The following REEP5 variants were observed in gnomAD, a reference collection of about 807,000 sequenced individuals.
The protein encoded by REEP5 is receptor expression-enhancing protein 5.
REEP5 carries 24 observed loss-of-function variants against 22.4 expected under a neutral mutation model. That is an observed-to-expected ratio of 1.07 (90% confidence interval 0.78 to 1.51). REEP5 has a LOEUF of 1.51. REEP5 is among the 40% of genes most tolerant of loss of function. The pLI, the probability that REEP5 is intolerant of heterozygous loss-of-function variation, is 0.00. For missense variants in REEP5, 252 were observed against 233.0 expected (o/e 1.08, Z -0.53); for synonymous variants, 103 against 88.6 (o/e 1.16, Z -0.92).
intron 1 of REEP5, 116 bp downstream of exon 1, chr5:112,921,957 T>C (rs1769382715): frequency 6.9e-6 from 9 of 1,298,306 alleles, no homozygotes; most frequent in Admixed American, 2.7e-5. Flanking sequence ...ATGCTGCTTG[T>C]CCCGTCTGTC....
chr5:112,884,223 G>A (rs1768162329), intron 4 of REEP5, among the ~76,000 whole-genome samples: 1 of 152,034 alleles, frequency 6.6e-6, no homozygotes, highest in Non-Finnish European at 1.5e-5. Flanking sequence ...GGCCTATAAG[G>A]CATTATGTGA....
At chr5:112,894,097 GTTGGTTTTGTTTTT>G (rs1768597066) in intron 3 of REEP5, 1 of 150,070 alleles carries the variant, frequency 6.7e-6, no homozygotes, top group African/African-American at 2.5e-5. Flanking sequence ...AAGCCTTTTG[GTTGGTTTTGTTTTT>G]TTGGTTTTTT....
At chr5:112,904,039 C>G (rs542646545) in intron 2 of REEP5, among the ~76,000 whole-genome samples, 1 of 152,234 alleles carries the variant, frequency 6.6e-6, no homozygotes, top group African/African-American at 2.4e-5. Flanking sequence ...ACTGTGTTGC[C>G]CAGGCTGGTC....
chr5:112,877,231 AAT>A lies in REEP5; in HGVS notation c.*1553_*1554del, dbSNP rs774071775. 4 of 152,162 alleles carry A rather than the reference AAT, an allele frequency of 2.6e-5. No homozygotes were observed. The highest frequency in any genetic ancestry group is 5.9e-5 in the Non-Finnish European group (4 of 68,012). 9.4% of individuals were successfully genotyped at this position (152,162 alleles called of 1,614,324 possible). Reference sequence around the variant, plus strand: ...ACTGTCACTTAGTATTGATATCTTTAATATTTTTTACATCATGAGACATTGTT... The same window carrying A: ...ACTGTCACTTAGTATTGATATCTTTAATTTTTTACATCATGAGACATTGTT... On this transcript the variant is annotated 3_prime_UTR_variant, in exon 5 of 5. Coordinates refer to ENST00000379638, the MANE Select transcript of REEP5 (RefSeq NM_005669.5).
chr5:112,877,508 G>A lies in REEP5; in HGVS notation c.*1278C>T, dbSNP rs185142435. On this transcript the variant is annotated 3_prime_UTR_variant, in exon 5 of 5. Coordinates refer to ENST00000379638, the MANE Select transcript of REEP5 (RefSeq NM_005669.5). ...AACTTTACTGTTCTGTACTTACTAT[G>A]TAGTCATGTGCAGCTTATCAACACA... 2 of 152,258 alleles carry A rather than the reference G, an allele frequency of 1.3e-5. No individual in the cohort carries two copies. The highest frequency in any genetic ancestry group is 2.9e-5 in the Non-Finnish European group (2 of 68,010). The allele number at this position is 152,258 out of a possible 1,614,324, so 9.4% of individuals were successfully genotyped here.
intron 3 of REEP5, chr5:112,893,800 G>T (rs1030313408): frequency 1.3e-5 from 2 of 152,218 alleles, no homozygotes; most frequent in Non-Finnish European, 2.9e-5. Context: ...GGAAGCCAGC[G>T]CCTTGAGGTA....
chr5:112,887,289 T>C (rs1421569102), intron 3 of REEP5, 106 bp from the exon 4 acceptor site: 2 of 1,107,308 alleles, frequency 1.8e-6, no homozygotes, highest in Admixed American at 3.2e-5. Context: ...GCCTCTGTTA[T>C]TTTCCCCAAA....
chr5:112,913,312 AAGAAAGAC>A (rs1769148616), intron 2 of REEP5, among the ~76,000 whole-genome samples: 1 of 150,852 alleles, frequency 6.6e-6, no homozygotes, highest in African/African-American at 2.5e-5. Flanking sequence ...GACAGAAAGA[AAGAAAGAC>A]AGACAGACAG....
In REEP5 at chr5:112,876,655, C is replaced by T. The variant is rs563270961; in HGVS notation, c.*2131G>A. On this transcript the variant is annotated 3_prime_UTR_variant, in exon 5 of 5. Coordinates refer to ENST00000379638, the MANE Select transcript of REEP5 (RefSeq NM_005669.5). The stretch of plus-strand genomic sequence containing the variant: ...GAAACACTATTCACATTCAAATAAA[C>T]GCTTGTTTTCTAGCCAGGCACAGGC... 24 of 152,296 alleles carry T rather than the reference C, an allele frequency of 1.6e-4. No individual in the cohort carries two copies. The South Asian group carries it at 4.8e-3, about 30-fold the overall frequency. The allele number at this position is 152,296 out of a possible 1,614,324, so 9.4% of individuals were successfully genotyped here. A position where few individuals can be genotyped will look rare whatever the true frequency, so the allele number is the denominator to read the frequency against.
In REEP5 at chr5:112,922,128, G is replaced by A. The variant is rs988539436; in HGVS notation, c.63C>T (p.Asp21=). The change falls in exon 1 of 5, where the codon GAC becomes GAT. Residue 21 remains aspartate, a synonymous_variant. Coordinates refer to ENST00000379638, the MANE Select transcript of REEP5 (RefSeq NM_005669.5). ...RFLHEKNCMT[D]LLAKLEAKTG... ...TTTTGGCCTCGAGCTTGGCCAGAAG[G>A]TCAGTCATGCAGTTCTTCTCGTGCA... 1 of 1,606,878 alleles carries A rather than the reference G, an allele frequency of 6.2e-7. No homozygotes were observed. The highest frequency in any genetic ancestry group is 1.3e-5 in the African/African-American group (1 of 74,224).
chr5:112,896,095 C>G (rs1055660303), intron 3 of REEP5: 2 of 152,628 alleles, frequency 1.3e-5, no homozygotes, highest in Admixed American at 6.5e-5. Context: ...GAGTTAATGT[C>G]AGAAGAAAGC....
At chr5:112,911,051 G>A (rs569087574) in intron 2 of REEP5, among the ~76,000 whole-genome samples, 2 of 152,210 alleles carry the variant, frequency 1.3e-5, no homozygotes, top group African/African-American at 4.8e-5. Context: ...AAATACGGTA[G>A]AAGGCTTTGG....
intron 4 of REEP5, chr5:112,885,687 A>G: frequency 3.3e-6 from 1 of 306,760 alleles, no homozygotes; most frequent in South Asian, 4.1e-5. Context: ...ATTCCTAACC[A>G]GCCTCCCTTT....
chr5:112,902,594 C>A, intron 2 of REEP5, 76 bp from the exon 3 acceptor site: 1 of 1,372,762 alleles, frequency 7.3e-7, no homozygotes, highest in Non-Finnish European at 9.9e-7. Context: ...CTTTCATAAC[C>A]TGTCCTCTGA....
At chr5:112,921,030 T>C in intron 2 of REEP5, 133 bp downstream of exon 2, 2 of 799,940 alleles carry the variant, frequency 2.5e-6, no homozygotes, top group Admixed American at 4.7e-5. Context: ...CCCCACCCCT[T>C]ATGTCCAACC....
At chr5:112,921,130 G>A (rs771295303) in intron 2 of REEP5, 33 bp downstream of exon 2, 3 of 1,601,090 alleles carry the variant, frequency 1.9e-6, no homozygotes, top group South Asian at 1.1e-5. Flanking sequence ...AATGGAGGAA[G>A]GGAAGGGGAC....
intron 4 of REEP5, 88 bp downstream of exon 4, chr5:112,886,927 A>T: frequency 2.0e-6 from 2 of 977,772 alleles, no homozygotes; most frequent in Non-Finnish European, 3.0e-6. Flanking sequence ...GGGTGGTGAT[A>T]AGACAAGAAG....
intron 3 of REEP5, chr5:112,892,585 A>T (rs1232932130): frequency 6.2e-6 from 10 of 1,614,082 alleles, no homozygotes; most frequent in Non-Finnish European, 8.5e-6. Flanking sequence ...GAAAATGGCG[A>T]TTTGTGGTTT....
intron 2 of REEP5, among the ~76,000 whole-genome samples, chr5:112,917,117 T>C (rs1769248537): frequency 6.6e-6 from 1 of 152,214 alleles, no homozygotes; most frequent in Non-Finnish European, 1.5e-5. Flanking sequence ...ATTAAATATA[T>C]AGTGCTGGAC....
Sources: gnomAD v4.1 joint callset for allele counts (sites outside exome capture counted in the v4.1 genomes callset) on GRCh38, gnomAD v4.1.1 for gene constraint, MANE v1.5 for transcripts, NCBI Gene and HGNC (gene_info 2026-07-23, HGNC 2026-07-21) for gene names.